Variants in PI4KA observed in about 807,000 individuals in gnomAD.
PI4KA encodes the protein PI4-kinase alpha.
In PI4KA, 122 loss-of-function variants were observed where a neutral mutation model predicts 271.4. The observed-to-expected ratio is 0.45, with a 90% CI of 0.39 to 0.52. The LOEUF (loss-of-function observed/expected upper bound fraction) is 0.52. Ranked by LOEUF, PI4KA falls within the 20% of genes least tolerant of loss-of-function variation. The probability of loss-of-function intolerance (pLI) is 0.00; values close to 1 mark genes in which losing one functional copy is unlikely to be tolerated. For missense variants in PI4KA, 1,969 were observed against 2,769.1 expected (o/e 0.71, Z 6.48); for synonymous variants, 1,041 against 1,078.8 (o/e 0.96, Z 0.69).
At chr22:20,787,296 T>C in intron 19 of PI4KA, 2 of 563,566 alleles carry the variant, frequency 3.5e-6, no homozygotes, top group East Asian at 6.2e-5. Context: ...AACTGTAGTG[T>C]GTCTGCTGTT....
At chr22:20,787,375 C>A in intron 19 of PI4KA, 1 of 405,318 alleles carries the variant, frequency 2.5e-6, no homozygotes, top group Non-Finnish European at 4.7e-6. Context: ...ACCTCCCGCT[C>A]CGGTGACCCC....
intron 43 of PI4KA, among the ~76,000 whole-genome samples, chr22:20,720,146 T>C (rs758404392): frequency 6.6e-5 from 10 of 152,066 alleles, no homozygotes; most frequent in African/African-American, 1.2e-4. Context: ...CATAACTCAC[T>C]GGCCTATATT....
rs1261958911 is a variant in PI4KA at position 20,858,745 on chromosome 22, C to G, written c.-20G>C. The G allele has an allele frequency of 3.6e-6, 5 of 1,370,698 alleles. No homozygotes were observed. The African/African-American group carries it at 6.1e-5, about 17-fold the overall frequency. The allele number at this position is 1,370,698 out of a possible 1,614,324, so 84.9% of individuals were successfully genotyped here. A position where few individuals can be genotyped will look rare whatever the true frequency, so the allele number is the denominator to read the frequency against. ...CGCCATCACCTCACGAGCCGCGGCG[C>G]TGCCCGCCGGCTCCCCGCTCCTGGC... On this transcript the variant is annotated 5_prime_UTR_variant, in exon 1 of 55. Coordinates refer to ENST00000255882, the MANE Select transcript of PI4KA (RefSeq NM_058004.4).
intron 14 of PI4KA, among the ~76,000 whole-genome samples, chr22:20,800,540 C>T (rs1935235144): frequency 6.6e-6 from 1 of 151,936 alleles, no homozygotes; most frequent in Non-Finnish European, 1.5e-5. Flanking sequence ...TCTCTTTTTA[C>T]TTTTCTATAC....
intron 10 of PI4KA, among the ~76,000 whole-genome samples, chr22:20,806,689 CTCTACATTAACAGATTACA>C (rs1291079273): frequency 6.6e-6 from 1 of 151,978 alleles, no homozygotes; most frequent in Non-Finnish European, 1.5e-5. Context: ...AAGCTAGTAC[CTCTACATTAACAGATTACA>C]TGTATTACAA....
chr22:20,744,786 T>TA (rs1361833315), intron 29 of PI4KA, 66 bp from the exon 30 acceptor site: 2 of 1,341,426 alleles, frequency 1.5e-6, no homozygotes. Flanking sequence ...TTACCATGGC[T>TA]AAGCCTAAAC....
At chr22:20,815,987 T>C (rs1921759188) in intron 7 of PI4KA, among the ~76,000 whole-genome samples, 1 of 152,102 alleles carries the variant, frequency 6.6e-6, no homozygotes, top group Non-Finnish European at 1.5e-5. Flanking sequence ...TTGCCCAGGC[T>C]GCAGTGCAGT....
intron 19 of PI4KA, chr22:20,779,650 T>A: frequency 6.2e-7 from 1 of 1,613,994 alleles, no homozygotes; most frequent in African/African-American, 1.3e-5. Flanking sequence ...GCTGGGAACA[T>A]CCTCCAGCTT....
At position 20,731,652 on chromosome 22, in the gene PI4KA, G is replaced by A. The variant is rs1418161557; in HGVS notation, c.4288+1319C>T. ...CTACTAAAAAATAAAAAAATTGGCC[G>A]GGCACGGTGGCTCACGCCTGTAATC... On this transcript the variant is annotated intron_variant, in intron 36 of 54. Transcript: ENST00000255882. 4.6e-5 allele frequency among the ~76,000 whole-genome samples: 7 copies of A among 152,104 alleles called. No homozygotes were observed. The East Asian group carries it at 9.6e-4, about 21-fold the overall frequency.
chr22:20,785,732 A>C (rs1457578268), intron 19 of PI4KA, among the ~76,000 whole-genome samples: 1 of 152,198 alleles, frequency 6.6e-6, no homozygotes, highest in Non-Finnish European at 1.5e-5. Context: ...AACCAGGAAA[A>C]GTTCTGCTGC....
At chr22:20,763,367 C>T (rs1017912946) in intron 22 of PI4KA, among the ~76,000 whole-genome samples, 1 of 152,218 alleles carries the variant, frequency 6.6e-6, no homozygotes, top group Non-Finnish European at 1.5e-5. Context: ...GCCTCGGCCT[C>T]CCAAAGTGTT....
At chr22:20,742,415 TC>T in intron 31 of PI4KA, 60 bp from the exon 32 acceptor site, 1 of 1,590,738 alleles carries the variant, frequency 6.3e-7, no homozygotes, top group Non-Finnish European at 8.6e-7. Context: ...CAAAACAGCT[TC>T]CCTGGGCCAA....
chr22:20,826,251 G>A (rs577715351), intron 3 of PI4KA, among the ~76,000 whole-genome samples: 2 of 152,290 alleles, frequency 1.3e-5, no homozygotes, highest in African/African-American at 2.4e-5. Context: ...GCTGAGACAG[G>A]AGAATCGCTC....
chr22:20,718,856 G>A lies in PI4KA; in HGVS notation c.5117-34C>T, dbSNP rs752697727. On this transcript the variant is annotated intron_variant, in intron 43 of 54. Coordinates refer to ENST00000255882, the MANE Select transcript of PI4KA (RefSeq NM_058004.4). ...GAAGCAAAGAGGCTTAAGTCTCTGT[G>A]GCTGTGGCAGAGGCCCCTCAGGAAT... 4.3e-6 allele frequency: 7 copies of A among 1,609,464 alleles called. No homozygotes were observed. In the East Asian group the frequency reaches 1.6e-4, roughly 36 times the overall value.
chr22:20,764,087 G>A (rs9917567), intron 22 of PI4KA, among the ~76,000 whole-genome samples: 9 of 152,118 alleles, frequency 5.9e-5, no homozygotes, highest in African/African-American at 1.9e-4. Context: ...CATCCCTCCC[G>A]ACTTAAGCTG....
rs941746245 is a variant in PI4KA, at chr22:20,765,320, G to A, written c.2438-84C>T. The A allele has an allele frequency of 3.6e-6, 5 of 1,372,418 alleles. No homozygotes were observed. In the African/African-American group the frequency reaches 5.8e-5, roughly 16 times the overall value. 85.0% of individuals were successfully genotyped at this position (1,372,418 alleles called of 1,614,324 possible). A position where few individuals can be genotyped will look rare whatever the true frequency, so the allele number is the denominator to read the frequency against. ...GTTGACTGACAATTTCTATAGTCAT[G>A]GGTCCTTTGAGACAATTATCCCAAA... On this transcript the variant is annotated intron_variant, in intron 20 of 54. Coordinates refer to ENST00000255882, the MANE Select transcript of PI4KA (RefSeq NM_058004.4).
chr22:20,750,334 G>A (rs1164591965), intron 27 of PI4KA, among the ~76,000 whole-genome samples: 1 of 152,186 alleles, frequency 6.6e-6, no homozygotes, highest in Non-Finnish European at 1.5e-5. Context: ...ACAAGCCAAG[G>A]AGAGAGGTCT....
rs1352284691 is a variant in PI4KA at position 20,835,647 on chromosome 22, G to A, written c.274-992C>T. Among the ~76,000 whole-genome samples the A allele has an allele frequency of 6.6e-5, 10 of 152,238 alleles. 1 individual carries two copies. Among genetic ancestry groups the A allele is most frequent in the South Asian group, 4.1e-4 (2 of 4,824 alleles). ...CTTGGGAGGCTGGGGTGGGAGGATC[G>A]CTTGAGCATGGGAGGTGAAGACTGC... On this transcript the variant is annotated intron_variant, in intron 2 of 54. Coordinates refer to ENST00000255882, the MANE Select transcript of PI4KA (RefSeq NM_058004.4).
intron 23 of PI4KA, among the ~76,000 whole-genome samples, chr22:20,755,655 G>A (rs574904215): frequency 6.6e-6 from 1 of 152,130 alleles, no homozygotes; most frequent in South Asian, 2.1e-4. Flanking sequence ...ACAAAAATTA[G>A]CTGGGCACGG....
Sources: allele counts gnomAD v4.1 joint callset (sites outside exome capture counted in the v4.1 genomes callset), GRCh38; gene constraint gnomAD v4.1.1; transcripts MANE v1.5; gene names NCBI Gene and HGNC (gene_info 2026-07-23, HGNC 2026-07-21).